The following DYSF variants were observed in gnomAD, a reference collection of about 807,000 sequenced individuals.
DYSF encodes the protein dysferlin.
A neutral mutation model predicts 274.9 loss-of-function variants in DYSF; 212 were observed. The ratio of observed to expected loss-of-function variants is 0.77; its 90% CI spans 0.69 to 0.86. The LOEUF (loss-of-function observed/expected upper bound fraction) is 0.86. Ranked by LOEUF, DYSF falls within the 40% of genes least tolerant of loss-of-function variation. DYSF has a pLI of 0.00. For synonymous variants in DYSF, 1,091 were observed against 1,078.7 expected, an observed-to-expected ratio of 1.01 and a Z score of -0.22; for missense variants, 2,666 against 2,783.2, an observed-to-expected ratio of 0.96 and a Z score of 0.95.
chr2:71,504,533 C>T lies in DYSF; in HGVS notation c.345+1214C>T, dbSNP rs141861133. ...CACTCCCTGTGGTCAAGGAGGACCC[C>T]AAGGAGTTCTGGAACTACCCCTTCA... On this transcript the variant is annotated intron_variant, in intron 4 of 55. Coordinates refer to ENST00000410020, the MANE Select transcript of DYSF (RefSeq NM_001130987.2). 3.5e-3 allele frequency among the ~76,000 whole-genome samples: 530 copies of T among 152,316 alleles called. 7 individuals carry two copies. The highest frequency in any genetic ancestry group is 0.012 in the African/African-American group (512 of 41,558).
chr2:71,577,832 C>T (rs926401550), intron 30 of DYSF, among the ~76,000 whole-genome samples: 25 of 152,270 alleles, frequency 1.6e-4, no homozygotes, highest in African/African-American at 5.5e-4. Context: ...TCCCTGCCTC[C>T]TGGGGAAGGT....
chr2:71,471,802 T>A (rs931760651), intron 1 of DYSF, among the ~76,000 whole-genome samples: 7 of 152,060 alleles, frequency 4.6e-5, no homozygotes, highest in African/African-American at 1.7e-4. Flanking sequence ...CTGTCTCTAC[T>A]GAAAAATACA....
chr2:71,472,470 G>C (rs2082100396), intron 1 of DYSF, among the ~76,000 whole-genome samples: 1 of 152,002 alleles, frequency 6.6e-6, no homozygotes, highest in Admixed American at 6.6e-5. Context: ...GGAGTGGCGC[G>C]ATCTCGGCTC....
chr2:71,571,815 G>C (rs1485809498), intron 29 of DYSF, among the ~76,000 whole-genome samples: 1 of 106,294 alleles, frequency 9.4e-6, no homozygotes, highest in Non-Finnish European at 1.9e-5. Context: ...CTCACACCCA[G>C]CACACACACA....
At chr2:71,569,685 C>A in intron 26 of DYSF, 135 bp from the exon 27 acceptor site, 1 of 754,462 alleles carries the variant, frequency 1.3e-6, no homozygotes, top group Non-Finnish European at 2.3e-6. Flanking sequence ...TGCACCCTTC[C>A]CTCCCCACCC....
intron 30 of DYSF, among the ~76,000 whole-genome samples, chr2:71,580,245 C>A (rs1574138198): frequency 6.6e-6 from 1 of 152,208 alleles, no homozygotes; most frequent in African/African-American, 2.4e-5. Context: ...AGGAGCTGGC[C>A]CCCCGGCCCC....
chr2:71,462,468 G>T (rs564262703), upstream of DYSF, among the ~76,000 whole-genome samples: 3 of 152,296 alleles, frequency 2.0e-5, no homozygotes, highest in South Asian at 2.1e-4. Context: ...TCTCGTTCTC[G>T]TTGCCTGCAA....
chr2:71,496,489 G>A (rs1402801958), intron 3 of DYSF, among the ~76,000 whole-genome samples: 1 of 152,190 alleles, frequency 6.6e-6, no homozygotes, highest in East Asian at 1.9e-4. Context: ...GGACTGGCCA[G>A]TTTGAATAAT....
At chr2:71,465,176 G>T (rs2081451250), upstream of DYSF, among the ~76,000 whole-genome samples, 1 of 152,166 alleles carries the variant, frequency 6.6e-6, no homozygotes, top group South Asian at 2.1e-4. Context: ...GGGGAACTTG[G>T]TAAGGCAAGA....
At position 71,568,056 on chromosome 2, in the gene DYSF, G is replaced by A; in HGVS notation, c.2671G>A (p.Gly891Arg). ...GAAGGAGTTCAACCAGTTTGCTGAGGGGAAGCTGTCTGTCTTTGCTGAAAC... is the reference window on the plus strand; with the variant it reads ...GAAGGAGTTCAACCAGTTTGCTGAGAGGAAGCTGTCTGTCTTTGCTGAAAC... ...DEKEFNQFAE[G>R]KLSVFAETYE... Residue 891 changes from glycine (G) to arginine (R), a missense_variant, in exon 25 of 56, where the codon GGG (glycine) becomes AGG (arginine). Gly to Arg is a moderately radical substitution (Grantham distance 125). This residue lies in a region of DYSF where 412 missense variants were observed against 504.0 expected (regional missense o/e 0.82). Transcript: ENST00000410020. The A allele has an allele frequency of 6.2e-7, 1 of 1,614,188 alleles. No individual in the cohort carries two copies. Among genetic ancestry groups the A allele is most frequent in the South Asian group, 1.1e-5 (1 of 91,078 alleles).
At chr2:71,517,522 G>C in intron 10 of DYSF, among the ~76,000 whole-genome samples, 1 of 152,230 alleles carries the variant, frequency 6.6e-6, no homozygotes, top group Middle Eastern at 3.4e-3. Flanking sequence ...GTCACACCGA[G>C]TTCATCCCAA....
intron 40 of DYSF, among the ~76,000 whole-genome samples, chr2:71,616,921 G>GT (rs1472143357): frequency 6.6e-6 from 1 of 151,840 alleles, no homozygotes; most frequent in East Asian, 1.9e-4. Flanking sequence ...AGTTGTTGTT[G>GT]TTTTTTTATT....
chr2:71,647,723 T>C (rs1246562969), intron 42 of DYSF, among the ~76,000 whole-genome samples: 1 of 152,260 alleles, frequency 6.6e-6, no homozygotes. Context: ...AAAATATACT[T>C]TCTAATGGAA....
chr2:71,662,834 GTA>G (rs1292937586), intron 45 of DYSF, among the ~76,000 whole-genome samples: 4 of 130,116 alleles, frequency 3.1e-5, no homozygotes, highest in Non-Finnish European at 5.1e-5. Context: ...GTGCATTTGT[GTA>G]TATGTGTGTG....
At chr2:71,461,835 T>C (rs559374126), upstream of DYSF, among the ~76,000 whole-genome samples, 33 of 152,292 alleles carry the variant, frequency 2.2e-4, no homozygotes, top group African/African-American at 7.2e-4. Context: ...CTGGCTTAAA[T>C]AGACTTAAAT....
chr2:71,628,059 A>G (rs1246153499), intron 41 of DYSF, among the ~76,000 whole-genome samples: 1 of 151,988 alleles, frequency 6.6e-6, no homozygotes, highest in South Asian at 2.1e-4. Flanking sequence ...AATATATTTG[A>G]ATTTGTTTCT....
chr2:71,671,822 G>GT (rs1231547065), intron 51 of DYSF, among the ~76,000 whole-genome samples: 1 of 152,206 alleles, frequency 6.6e-6, no homozygotes, highest in African/African-American at 2.4e-5. Flanking sequence ...ATAGGGCCTG[G>GT]TCAGGAGGAA....
At chr2:71,482,260 C>T (rs988034717) in intron 3 of DYSF, among the ~76,000 whole-genome samples, 3 of 152,152 alleles carry the variant, frequency 2.0e-5, no homozygotes, top group African/African-American at 4.8e-5. Flanking sequence ...CAGGAAGACT[C>T]GCTTCCTGCT....
chr2:71,511,952 C>T (rs1170508981), intron 5 of DYSF, 31 bp downstream of exon 5: 1 of 1,417,170 alleles, frequency 7.1e-7, no homozygotes, highest in Non-Finnish European at 9.7e-7. Flanking sequence ...TGGCTGGGCC[C>T]CAGCAAGAAG....
Sources: allele counts gnomAD v4.1 joint callset (sites outside exome capture counted in the v4.1 genomes callset), GRCh38; gene constraint gnomAD v4.1.1; regional missense constraint gnomAD v4.1.1; transcripts MANE v1.5; gene names NCBI Gene and HGNC (gene_info 2026-07-23, HGNC 2026-07-21).